SLC12A8: variants seen among roughly 807,000 people sequenced by gnomAD.
SLC12A8 encodes solute carrier family 12 member 8, also known as cation-chloride cotransporter 9.
SLC12A8 carries 69 observed loss-of-function variants against 75.6 expected under a neutral mutation model. The observed-to-expected ratio is 0.91, with a 90% CI of 0.75 to 1.11. The LOEUF (loss-of-function observed/expected upper bound fraction) is 1.11. Among genes scored for constraint, SLC12A8 ranks in the 50% most tolerant of loss-of-function variants. The pLI is 0.00. For synonymous variants in SLC12A8, 365 were observed against 372.8 expected (o/e 0.98, Z 0.24); for missense variants, 877 against 896.7 (o/e 0.98, Z 0.28).
At chr3:125,130,630 C>T (rs816147) in intron 6 of SLC12A8, among the ~76,000 whole-genome samples, 135,218 of 151,222 alleles carry the variant, frequency 0.89, 61,966 homozygotes, top group Non-Finnish European at 0.99. Flanking sequence ...AAAAGAAATA[C>T]GGATTAAAAA....
chr3:125,145,556 C>T (rs1933751698), intron 5 of SLC12A8, among the ~76,000 whole-genome samples: 1 of 152,176 alleles, frequency 6.6e-6, no homozygotes, highest in African/African-American at 2.4e-5. Flanking sequence ...TGCAAAAGGA[C>T]AAATGTTGTA....
At chr3:125,166,702 A>G (rs1447225213) in intron 5 of SLC12A8, among the ~76,000 whole-genome samples, 1 of 152,248 alleles carries the variant, frequency 6.6e-6, no homozygotes, top group African/African-American at 2.4e-5. Flanking sequence ...TGCACGAAGA[A>G]CAGTTAAAAT....
intron 5 of SLC12A8, among the ~76,000 whole-genome samples, chr3:125,177,221 A>G (rs1428358989): frequency 6.6e-6 from 1 of 151,732 alleles, no homozygotes; most frequent in Non-Finnish European, 1.5e-5. Context: ...AAACTATCGC[A>G]AGGACAAAAA....
intron 5 of SLC12A8, among the ~76,000 whole-genome samples, chr3:125,158,681 A>C (rs1456604044): frequency 2.0e-5 from 3 of 152,176 alleles, no homozygotes; most frequent in Non-Finnish European, 4.4e-5. Context: ...GCTGTTTGCA[A>C]ATCCTCAAAA....
At chr3:125,126,812 C>A (rs1257689562) in intron 6 of SLC12A8, among the ~76,000 whole-genome samples, 1 of 152,104 alleles carries the variant, frequency 6.6e-6, no homozygotes, top group Non-Finnish European at 1.5e-5. Context: ...TGCCTGTTTT[C>A]TAAGTTCATA....
At chr3:125,190,187 G>A (rs1001383337) in intron 3 of SLC12A8, among the ~76,000 whole-genome samples, 188 bp downstream of exon 3, 3 of 152,262 alleles carry the variant, frequency 2.0e-5, no homozygotes, top group Admixed American at 1.3e-4. Context: ...TTAGAAATTC[G>A]GAAGCCTATC....
intron 10 of SLC12A8, among the ~76,000 whole-genome samples, chr3:125,101,192 C>G (rs1269759269): frequency 1.3e-5 from 2 of 152,182 alleles, no homozygotes; most frequent in Admixed American, 6.5e-5. Context: ...TGTCTCCTAT[C>G]ATGAGCAAGT....
rs368323223 is a variant in SLC12A8, at chr3:125,126,579, C to T, written c.737-5893G>A. Among the ~76,000 whole-genome samples the T allele has an allele frequency of 3.2e-3, 493 of 152,298 alleles. 1 individual carries two copies. Among genetic ancestry groups the T allele is most frequent in the African/African-American group, 0.011 (469 of 41,558 alleles). Reference sequence around the variant, plus strand: ...ATCACCAATTACCACAAGCCCGTTTCCCACCCCAATTCCCTTTTCTGTTCC... The same window carrying T: ...ATCACCAATTACCACAAGCCCGTTTTCCACCCCAATTCCCTTTTCTGTTCC... On this transcript the variant is annotated intron_variant, in intron 6 of 13. Transcript: ENST00000469902.
In SLC12A8 at chr3:125,109,555, C is replaced by T. The variant is rs577228203; in HGVS notation, c.1059+634G>A. Among the ~76,000 whole-genome samples the T allele has an allele frequency of 1.7e-4, 26 of 152,328 alleles. No homozygotes were observed. The South Asian group carries it at 5.4e-3, about 32-fold the overall frequency. On this transcript the variant is annotated intron_variant, in intron 9 of 13. Transcript: ENST00000469902. ...GGTACCCCAACAAGACAAAAATGAA[C>T]TCTAGCTTGCAAACCATATTAGTGG...
intron 8 of SLC12A8, 50 bp downstream of exon 8, chr3:125,118,715 CAAAT>C: frequency 7.2e-7 from 1 of 1,384,332 alleles, no homozygotes. Context: ...TTGGTGAGAA[CAAAT>C]AAATGACTCC....
At chr3:125,156,441 C>A (rs1044236382) in intron 5 of SLC12A8, among the ~76,000 whole-genome samples, 1 of 152,172 alleles carries the variant, frequency 6.6e-6, no homozygotes, top group African/African-American at 2.4e-5. Context: ...ATACTTATGG[C>A]AGGATCTTGG....
intron 2 of SLC12A8, among the ~76,000 whole-genome samples, chr3:125,193,602 C>G (rs1934949171): frequency 1.3e-5 from 2 of 152,194 alleles, no homozygotes; most frequent in Non-Finnish European, 2.9e-5. Flanking sequence ...AGGGGCAGGA[C>G]CACGGTCTGC....
chr3:125,100,121 G>C (rs1025458454), intron 10 of SLC12A8, among the ~76,000 whole-genome samples: 2 of 152,136 alleles, frequency 1.3e-5, no homozygotes, highest in Non-Finnish European at 2.9e-5. Flanking sequence ...AAAGGTGGAA[G>C]CAAAGGAAAG....
intron 8 of SLC12A8, among the ~76,000 whole-genome samples, chr3:125,116,893 T>G (rs191466940): frequency 1.7e-3 from 256 of 152,300 alleles, no homozygotes; most frequent in Non-Finnish European, 2.9e-3. Flanking sequence ...AGCTTTTCAT[T>G]CCACAACTAG....
chr3:125,137,805 A>C (rs1190052185), intron 5 of SLC12A8, among the ~76,000 whole-genome samples: 2 of 152,222 alleles, frequency 1.3e-5, no homozygotes, highest in Non-Finnish European at 2.9e-5. Context: ...ACAGGCTGAG[A>C]TAATGAGTCA....
At chr3:125,190,342 T>C in intron 3 of SLC12A8, 33 bp downstream of exon 3, 1 of 1,611,572 alleles carries the variant, frequency 6.2e-7, no homozygotes, top group Non-Finnish European at 8.5e-7. Flanking sequence ...CTTGGGCCCG[T>C]GAGAGGCTCC....
At chr3:125,135,049 G>C (rs559955339) in intron 6 of SLC12A8, among the ~76,000 whole-genome samples, 1 of 152,248 alleles carries the variant, frequency 6.6e-6, no homozygotes, top group Non-Finnish European at 1.5e-5. Flanking sequence ...TGGGGCAGGA[G>C]CCCTACAGGG....
At chr3:125,159,127 T>G (rs1934108915) in intron 5 of SLC12A8, among the ~76,000 whole-genome samples, 1 of 152,174 alleles carries the variant, frequency 6.6e-6, no homozygotes, top group African/African-American at 2.4e-5. Flanking sequence ...AATAATAAAA[T>G]TCTCTAATTA....
intron 2 of SLC12A8, among the ~76,000 whole-genome samples, chr3:125,194,044 C>G (rs936800967): frequency 6.6e-6 from 1 of 152,186 alleles, no homozygotes; most frequent in African/African-American, 2.4e-5. Flanking sequence ...ACCCTACACC[C>G]AGGATTGAGT....
Sources: allele counts gnomAD v4.1 joint callset (sites outside exome capture counted in the v4.1 genomes callset), GRCh38; gene constraint gnomAD v4.1.1; transcripts MANE v1.5; gene names NCBI Gene and HGNC (gene_info 2026-07-23, HGNC 2026-07-21).